Variants in PCARE observed in about 807,000 individuals in gnomAD.
PCARE encodes photoreceptor cilium actin regulator.
A neutral mutation model predicts 82.2 loss-of-function variants in PCARE; 72 were observed. That is an observed-to-expected ratio of 0.88 (90% CI 0.72 to 1.07). The LOEUF (loss-of-function observed/expected upper bound fraction) is 1.07, where lower values mean the gene tolerates loss of function less well. PCARE is among the 50% of genes least tolerant of loss of function. PCARE has a pLI of 0.00. For synonymous variants in PCARE, 705 were observed against 634.8 expected (o/e 1.11, Z -1.66); for missense variants, 1,768 against 1,592.4 (o/e 1.11, Z -1.88).
At position 29,073,166 on chromosome 2, in the gene PCARE, C is replaced by T; in HGVS notation, c.1096G>A (p.Gly366Ser). Reference protein sequence around the residue: ...NESVQSVDKLGKQTSWDLAPE... With the variant: ...NESVQSVDKLSKQTSWDLAPE... ...GCAAGGTCCCAGCTGGTTTGCTTGC[C>T]CAGCTTGTCCACCGACTGCACGGAC... The change falls in exon 1 of 2, where the codon GGC (glycine) becomes AGC (serine). Residue 366 changes from glycine (G) to serine (S), a missense_variant. Coordinates refer to ENST00000331664, the MANE Select transcript of PCARE (RefSeq NM_001029883.3). The T allele has an allele frequency of 6.2e-7, 1 of 1,614,024 alleles. No homozygotes were observed. The highest frequency in any genetic ancestry group is 8.5e-7 in the Non-Finnish European group (1 of 1,179,968).
At chr2:29,067,052 A>G (rs1667400919) in intron 1 of PCARE, among the ~76,000 whole-genome samples, 2 of 112,884 alleles carry the variant, frequency 1.8e-5, no homozygotes, top group Admixed American at 1.0e-4. Context: ...AACATCATCC[A>G]TTTTTCTAAA....
At position 29,064,685 on chromosome 2, in the gene PCARE, TG is replaced by T; in HGVS notation, c.*183del. On this transcript the variant is annotated 3_prime_UTR_variant, in exon 2 of 2. Coordinates refer to ENST00000331664, the MANE Select transcript of PCARE (RefSeq NM_001029883.3). ...TTGAACCCCAAGGCAGAGCAAGATC[TG>T]GGACTGAAAACGGCGATTGTTTAAA... 1.4e-6 allele frequency: 1 copy of T among 713,166 alleles called. No individual in the cohort carries two copies. 44.2% of individuals were successfully genotyped at this position (713,166 alleles called of 1,614,324 possible).
Position 29,072,589 on chromosome 2 carries a change from G to T in PCARE, c.1673C>A (p.Pro558His), listed in dbSNP as rs759038119. 2 of 1,614,084 alleles carry T rather than the reference G, an allele frequency of 1.2e-6. No individual in the cohort carries two copies. The highest frequency in any genetic ancestry group is 1.7e-6 in the Non-Finnish European group (2 of 1,180,018). ...CTCAGACCAGTCCTGGTGCCCACAG[G>T]GCACAGGGACAAACTTGATCCTTTC... is the stretch of plus-strand genomic sequence containing the variant. ...ISERIKFVPV[P>H]CGHQDWSEEE... The change falls in exon 1 of 2, where the codon CCC becomes CAC. Residue 558 changes from proline (P) to histidine (H), a missense_variant. Transcript: ENST00000331664.
intron 1 of PCARE, 45 bp from the exon 2 acceptor site, chr2:29,065,112 C>T (rs1297422601): frequency 6.5e-7 from 1 of 1,531,072 alleles, no homozygotes; most frequent in Non-Finnish European, 8.8e-7. Context: ...TCCTCCTCTG[C>T]TGCTCCTTCC....
chr2:29,065,240 G>T lies in PCARE; in HGVS notation c.3669-173C>A, dbSNP rs371920250. Among the ~76,000 whole-genome samples the T allele has an allele frequency of 2.0e-5, 3 of 152,268 alleles. No individual in the cohort carries two copies. In the East Asian group the frequency reaches 5.8e-4, roughly 29 times the overall value. ...GTACCAGGCTTGCCAGGCTGGTGCC[G>T]CCATTGCCGTGTGCCTGCAGGGGTG... On this transcript the variant is annotated intron_variant, in intron 1 of 1. Coordinates refer to ENST00000331664, the MANE Select transcript of PCARE (RefSeq NM_001029883.3).
chr2:29,070,672 CG>C lies in PCARE; in HGVS notation c.3589del (p.Arg1197AlafsTer117). 6.2e-7 allele frequency: 1 copy of C among 1,614,118 alleles called. No individual in the cohort carries two copies. The highest frequency in any genetic ancestry group is 1.3e-5 in the African/African-American group (1 of 75,048). On this transcript the variant is annotated frameshift_variant, in exon 1 of 2. Coordinates refer to ENST00000331664, the MANE Select transcript of PCARE (RefSeq NM_001029883.3). LOFTEE classifies it high-confidence loss of function. The stretch of plus-strand genomic sequence containing the variant: ...AGGCTGCGGTCGGCCACCTGGCTGG[CG>C]GTCAGAAGCTGTCCTCCTGAGGAAA... ...LPFLRRTASD[R>X]QPGGRPQPPT...
chr2:29,072,502 G>C lies in PCARE; in HGVS notation c.1760C>G (p.Ala587Gly). The change falls in exon 1 of 2, where the codon GCC (alanine) becomes GGC (glycine). Residue 587 changes from alanine (A) to glycine (G), a missense_variant. By Grantham distance (60) the Ala-to-Gly change is moderately conservative (BLOSUM62 0). Coordinates refer to ENST00000331664, the MANE Select transcript of PCARE (RefSeq NM_001029883.3). ...RPSTVSGSRR[A>G]PERQTRSQSE... ...CTGGGACCTCGTCTGCCTCTCAGGG[G>C]CCCTCCTGCTGCCACTTACCGTGCT... is the stretch of plus-strand genomic sequence containing the variant. 6.2e-7 allele frequency: 1 copy of C among 1,614,200 alleles called. No homozygotes were observed. The highest frequency in any genetic ancestry group is 2.2e-5 in the East Asian group (1 of 44,884).
intron 1 of PCARE, among the ~76,000 whole-genome samples, chr2:29,068,096 G>C (rs1667416966): frequency 6.6e-6 from 1 of 152,210 alleles, no homozygotes; most frequent in South Asian, 2.1e-4. Flanking sequence ...CACAGTTCTA[G>C]AAATCTAATA....
chr2:29,071,287 C>T lies in PCARE; in HGVS notation c.2975G>A (p.Arg992Lys). 6.2e-7 allele frequency: 1 copy of T among 1,613,438 alleles called. No individual in the cohort carries two copies. The highest frequency in any genetic ancestry group is 8.5e-7 in the Non-Finnish European group (1 of 1,179,910). ...QSRERSPPVGRKASPTRTHWV... is the reference protein window; with the variant it reads ...QSRERSPPVGKKASPTRTHWV... ...GTGTGTCCTCGTGGGAGAGGCCTTT[C>T]TGCCCACAGGGGGGCTTCTCTCTCG... Residue 992 changes from arginine to lysine, a missense_variant, in exon 1 of 2, where the codon AGA (arginine) becomes AAA (lysine). Physicochemically the swap from Arg to Lys is conservative, Grantham distance 26 (BLOSUM62 2). Coordinates refer to ENST00000331664, the MANE Select transcript of PCARE (RefSeq NM_001029883.3).
At chr2:29,066,891 C>T (rs1356266099) in intron 1 of PCARE, among the ~76,000 whole-genome samples, 1 of 152,230 alleles carries the variant, frequency 6.6e-6, no homozygotes, top group Non-Finnish European at 1.5e-5. Context: ...CTCAAATGCA[C>T]ACAGTGCCCC....
Position 29,072,135 on chromosome 2 carries a change from TC to T in PCARE, c.2126del (p.Gly709GlufsTer36), listed in dbSNP as rs527236055. The T allele has an allele frequency of 6.2e-7, 1 of 1,614,272 alleles. No homozygotes were observed. The highest frequency in any genetic ancestry group is 2.2e-5 in the East Asian group (1 of 44,886). On this transcript the variant is annotated frameshift_variant, in exon 1 of 2. Transcript: ENST00000331664. LOFTEE classifies it high-confidence loss of function. ...AGKLPNAIPS[G>X]EVSEAAKATD... ...TGGCCTTGGCAGCCTCACTGACCTC[TC>T]CTGATGGGATGGCATTTGGAAGCTT...
At position 29,072,554 on chromosome 2, in the gene PCARE, C is replaced by A. The variant is rs1238171256; in HGVS notation, c.1708G>T (p.Gly570Trp). The change falls in exon 1 of 2, where the codon GGG becomes TGG. Residue 570 changes from glycine to tryptophan, a missense_variant. Coordinates refer to ENST00000331664, the MANE Select transcript of PCARE (RefSeq NM_001029883.3). ...GHQDWSEEEE[G>W]RTVVPPRPST... ...GGTCTTGGGGGGACCACTGTCCTCC[C>A]CTCCTCCTCCTCAGACCAGTCCTGG... The A allele has an allele frequency of 1.2e-6, 2 of 1,603,200 alleles. No individual in the cohort carries two copies. Among genetic ancestry groups the A allele is most frequent in the Non-Finnish European group, 1.7e-6 (2 of 1,175,906 alleles).
At position 29,070,775 on chromosome 2, in the gene PCARE, A is replaced by G. The variant is rs192100693; in HGVS notation, c.3487T>C (p.Trp1163Arg). 8.7e-6 allele frequency: 14 copies of G among 1,614,138 alleles called. No individual in the cohort carries two copies. In the African/African-American group the frequency reaches 1.7e-4, roughly 20 times the overall value. Reference sequence around the variant, plus strand: ...AGCCAAGGCCCTGAGCTGTTCTTCCAGCATTCTGCTGGGTTCCCGAGAGGG... The same window carrying G: ...AGCCAAGGCCCTGAGCTGTTCTTCCGGCATTCTGCTGGGTTCCCGAGAGGG... ...GGPLGNPAEC[W>R]KNSSGPWLRA... is the part of the protein sequence containing the mutation. The change falls in exon 1 of 2, where the codon TGG (tryptophan) becomes CGG (arginine). Residue 1163 changes from tryptophan (W) to arginine (R), a missense_variant. By Grantham distance (101) the Trp-to-Arg change is moderately radical (BLOSUM62 -3). Transcript: ENST00000331664.
intron 1 of PCARE, among the ~76,000 whole-genome samples, chr2:29,069,487 G>A (rs1328103064): frequency 6.6e-6 from 1 of 152,172 alleles, no homozygotes; most frequent in South Asian, 2.1e-4. Flanking sequence ...TAAATGATGA[G>A]AACTCATGGG....
In PCARE at chr2:29,071,541, C is replaced by T; in HGVS notation, c.2721G>A (p.Gly907=). ...TASLTKPHST[G]PGSGRSSCQP... ...GGCAGCTGCTCCTGCCACTCCCTGG[C>T]CCTGTGCTGTGAGGCTTGGTCAGGC... Residue 907 remains glycine (G), a synonymous_variant, in exon 1 of 2, where the codon GGG becomes GGA. Coordinates refer to ENST00000331664, the MANE Select transcript of PCARE (RefSeq NM_001029883.3). The T allele has an allele frequency of 6.2e-7, 1 of 1,610,496 alleles. No homozygotes were observed. Among genetic ancestry groups the T allele is most frequent in the South Asian group, 1.1e-5 (1 of 91,080 alleles).
rs748350918 is a variant in PCARE, at chr2:29,072,664, C to T, written c.1598G>A (p.Arg533Lys). The T allele has an allele frequency of 6.2e-7, 1 of 1,614,046 alleles. No individual in the cohort carries two copies. The highest frequency in any genetic ancestry group is 2.2e-5 in the East Asian group (1 of 44,874). ...SPFQARTRRL[R>K]SLQAQEMILK... ...AATCATTTCCTGGGCCTGGAGGCTC[C>T]TAAGCCTCCTGGTGCGGGCCTGAAA... The change falls in exon 1 of 2, where the codon AGG (arginine) becomes AAG (lysine). Residue 533 changes from arginine to lysine, a missense_variant. By Grantham distance (26) the Arg-to-Lys change is conservative. Transcript: ENST00000331664.
chr2:29,064,849 G>A lies in PCARE; in HGVS notation c.*20C>T. ...GGCCTTCTGGGGTGACTGCGTGAGT[G>A]TGGCCCCCTCGTCAGCCTGTCAGGA... On this transcript the variant is annotated 3_prime_UTR_variant, in exon 2 of 2. Coordinates refer to ENST00000331664, the MANE Select transcript of PCARE (RefSeq NM_001029883.3). The A allele has an allele frequency of 6.2e-6, 10 of 1,609,308 alleles. No homozygotes were observed. The highest frequency in any genetic ancestry group is 8.5e-6 in the Non-Finnish European group (10 of 1,179,900).
chr2:29,070,496 T>C, intron 1 of PCARE, 98 bp downstream of exon 1: 1 of 1,537,714 alleles, frequency 6.5e-7, no homozygotes, highest in Non-Finnish European at 9.0e-7. Context: ...GGAGCACAGT[T>C]TGAAAACTAC....
chr2:29,065,623 C>G (rs1023871272), intron 1 of PCARE, among the ~76,000 whole-genome samples: 6 of 152,196 alleles, frequency 3.9e-5, no homozygotes, highest in African/African-American at 1.4e-4. Context: ...CCCACAGGAG[C>G]CTGAGTGGGA....
Sources: gnomAD v4.1 joint callset for allele counts (sites outside exome capture counted in the v4.1 genomes callset) on GRCh38, gnomAD v4.1.1 for gene constraint, MANE v1.5 for transcripts, NCBI Gene and HGNC (gene_info 2026-07-23, HGNC 2026-07-21) for gene names.